SEC14L2: variants seen among roughly 807,000 people sequenced by gnomAD.
SEC14L2 encodes SEC14-like protein 2.
A neutral mutation model predicts 56.9 loss-of-function variants in SEC14L2; 50 were observed. That is an observed-to-expected ratio of 0.88 (90% CI 0.70 to 1.11). The LOEUF (loss-of-function observed/expected upper bound fraction) is 1.11. SEC14L2 is among the 50% of genes most tolerant of loss of function. The probability of loss-of-function intolerance (pLI) is 0.00; values close to 1 mark genes in which losing one functional copy is unlikely to be tolerated. For missense variants in SEC14L2, 414 were observed against 500.7 expected (o/e 0.83, Z 1.65); for synonymous variants, 179 against 188.5 (o/e 0.95, Z 0.41).
At chr22:30,407,737 T>A in intron 5 of SEC14L2, 134 bp downstream of exon 5, 1 of 810,716 alleles carries the variant, frequency 1.2e-6, no homozygotes, top group Non-Finnish European at 1.8e-6. Context: ...TTTTAATTTT[T>A]AAAACTTTTT....
rs1378134533 is a variant in SEC14L2 at position 30,425,270 on chromosome 22, A to G, written c.*2863A>G. The stretch of plus-strand genomic sequence containing the variant: ...TCCTTTAGCGAACATGTAGACTGGC[A>G]ATAAACTCAATAAATGGTGACTGTT... On this transcript the variant is annotated 3_prime_UTR_variant, in exon 12 of 12. Coordinates refer to ENST00000615189, the MANE Select transcript of SEC14L2 (RefSeq NM_012429.5). The G allele has an allele frequency of 1.2e-5, 2 of 168,116 alleles. No individual in the cohort carries two copies. The highest frequency in any genetic ancestry group is 2.6e-5 in the Non-Finnish European group (2 of 76,162). The allele number at this position is 168,116 out of a possible 1,614,324, so 10.4% of individuals were successfully genotyped here.
chr22:30,403,852 A>T (rs1256166637), intron 2 of SEC14L2, among the ~76,000 whole-genome samples: 1 of 151,442 alleles, frequency 6.6e-6, no homozygotes, highest in African/African-American at 2.4e-5. Context: ...AAATACAAAA[A>T]ATTAGCCGGG....
chr22:30,404,030 GAAAAAAA>G (rs5844905), intron 2 of SEC14L2, among the ~76,000 whole-genome samples: 1 of 87,618 alleles, frequency 1.1e-5, no homozygotes, highest in Admixed American at 1.6e-4. Flanking sequence ...AAAAAAAAAA[GAAAAAAA>G]AAAAAAGAAG....
At chr22:30,398,218 T>G (rs1247440477) in intron 1 of SEC14L2, among the ~76,000 whole-genome samples, 1 of 151,940 alleles carries the variant, frequency 6.6e-6, no homozygotes, top group Non-Finnish European at 1.5e-5. Flanking sequence ...GCAGGAGAGG[T>G]CAGGCAGAGA....
At position 30,423,656 on chromosome 22, in the gene SEC14L2, C is replaced by T. The variant is rs1031206485; in HGVS notation, c.*1249C>T. On this transcript the variant is annotated 3_prime_UTR_variant, in exon 12 of 12. Transcript: ENST00000615189. ...GGAACGCCTTTCCCTCAGAGCCAGG[C>T]CCCGGCCCCGTCTGGGAAGCTCATC... 6.6e-6 allele frequency: 1 copy of T among 152,418 alleles called. No individual in the cohort carries two copies. Among genetic ancestry groups the T allele is most frequent in the African/African-American group, 2.4e-5 (1 of 41,482 alleles). 9.4% of individuals were successfully genotyped at this position (152,418 alleles called of 1,614,324 possible).
chr22:30,405,496 G>C (rs1389412646), intron 2 of SEC14L2, among the ~76,000 whole-genome samples: 2 of 152,172 alleles, frequency 1.3e-5, no homozygotes, highest in African/African-American at 2.4e-5. Flanking sequence ...AGGTGACCCA[G>C]GTGAAACTGA....
rs757240850 is a variant in SEC14L2 at position 30,409,246 on chromosome 22, G to C, written c.483G>C (p.Lys161Asn). ...IIYDCEGLGL[K>N]HLWKPAVEAY... ...ATGACTGCGAGGGGCTTGGCCTCAAGCATCTCTGGAAGCCTGCTGTGGAGG... is the reference window on the plus strand; with the variant it reads ...ATGACTGCGAGGGGCTTGGCCTCAACCATCTCTGGAAGCCTGCTGTGGAGG... The change falls in exon 6 of 12, where the codon AAG (lysine) becomes AAC (asparagine). Residue 161 changes from lysine (K) to asparagine (N), a missense_variant. Coordinates refer to ENST00000615189, the MANE Select transcript of SEC14L2 (RefSeq NM_012429.5). 6.2e-7 allele frequency: 1 copy of C among 1,613,778 alleles called. No homozygotes were observed. Among genetic ancestry groups the C allele is most frequent in the African/African-American group, 1.3e-5 (1 of 74,864 alleles).
intron 8 of SEC14L2, 152 bp downstream of exon 8, chr22:30,410,831 T>C: frequency 1.5e-6 from 1 of 660,364 alleles, no homozygotes; most frequent in Non-Finnish European, 2.7e-6. Context: ...GTGGAGCTAG[T>C]GCCTTCTTCT....
intron 5 of SEC14L2, among the ~76,000 whole-genome samples, chr22:30,408,202 A>G (rs781010702): frequency 2.6e-5 from 4 of 152,178 alleles, no homozygotes; most frequent in Non-Finnish European, 4.4e-5. Context: ...ATGGGGACCC[A>G]GTGAAATCTT....
chr22:30,414,339 G>C (rs1601783445), intron 8 of SEC14L2, among the ~76,000 whole-genome samples: 2 of 152,170 alleles, frequency 1.3e-5, no homozygotes, highest in African/African-American at 4.8e-5. Context: ...AGGAGGTTCA[G>C]TCTGTTCCCC....
At position 30,422,521 on chromosome 22, in the gene SEC14L2, G is replaced by C; in HGVS notation, c.*114G>C. On this transcript the variant is annotated 3_prime_UTR_variant, in exon 12 of 12. Coordinates refer to ENST00000615189, the MANE Select transcript of SEC14L2 (RefSeq NM_012429.5). ...CCCAAAGAAACTGGGCTGGAGGACA[G>C]ACCTCAGGAGCTTTCATTTCAGTTA... 3 of 1,324,708 alleles carry C rather than the reference G, an allele frequency of 2.3e-6. No individual in the cohort carries two copies. Among genetic ancestry groups the C allele is most frequent in the Non-Finnish European group, 3.1e-6 (3 of 968,488 alleles). The allele number at this position is 1,324,708 out of a possible 1,614,324, so 82.1% of individuals were successfully genotyped here.
Position 30,422,316 on chromosome 22 carries a change from C to T in SEC14L2, c.1121C>T (p.Ala374Val), listed in dbSNP as rs200442040. 1 of 1,614,172 alleles carries T rather than the reference C, an allele frequency of 6.2e-7. No homozygotes were observed. The highest frequency in any genetic ancestry group is 2.2e-5 in the East Asian group (1 of 44,892). ...GACAACACCTACAGCTTCATTCATG[C>T]CAAGAAGGTCAATTTCACTGTGGAG... The part of the protein sequence containing the change: ...RFDNTYSFIH[A>V]KKVNFTVEVL... The change falls in exon 12 of 12, where the codon GCC becomes GTC. Residue 374 changes from alanine to valine, a missense_variant. By Grantham distance (64) the Ala-to-Val change is moderately conservative. Coordinates refer to ENST00000615189, the MANE Select transcript of SEC14L2 (RefSeq NM_012429.5).
At chr22:30,416,901 G>A in intron 11 of SEC14L2, 1 of 987,522 alleles carries the variant, frequency 1.0e-6, no homozygotes, top group African/African-American at 1.7e-5. Flanking sequence ...TATAAGAATG[G>A]GAAACAGACA....
intron 2 of SEC14L2, among the ~76,000 whole-genome samples, chr22:30,405,541 C>G (rs1268524522): frequency 6.6e-6 from 1 of 152,110 alleles, no homozygotes; most frequent in African/African-American, 2.4e-5. Context: ...GGGAGGCAGG[C>G]CCTTTGTGTG....
Position 30,424,406 on chromosome 22 carries a change from A to C in SEC14L2, c.*1999A>C, listed in dbSNP as rs933692756. On this transcript the variant is annotated 3_prime_UTR_variant, in exon 12 of 12. Transcript: ENST00000615189. Reference sequence around the variant, plus strand: ...TGACCGGACTGTCCTATACAGCCCTACAAGACAGAGGCGCCTAGGGCTGAA... The same window carrying C: ...TGACCGGACTGTCCTATACAGCCCTCCAAGACAGAGGCGCCTAGGGCTGAA... 1 of 329,564 alleles carries C rather than the reference A, an allele frequency of 3.0e-6. No individual in the cohort carries two copies. The highest frequency in any genetic ancestry group is 5.9e-6 in the Non-Finnish European group (1 of 168,142). The allele number at this position is 329,564 out of a possible 1,614,324, so 20.4% of individuals were successfully genotyped here. A position where few individuals can be genotyped will look rare whatever the true frequency, so the allele number is the denominator to read the frequency against.
chr22:30,420,221 G>A (rs1934481931), intron 11 of SEC14L2, among the ~76,000 whole-genome samples: 1 of 152,202 alleles, frequency 6.6e-6, no homozygotes, highest in South Asian at 2.1e-4. Flanking sequence ...CCAAAGTGCT[G>A]GGATTACAGG....
Position 30,422,305 on chromosome 22 carries a change from CTTCA to C in SEC14L2, c.1116_1119del (p.Ile372MetfsTer22). 1 of 1,614,214 alleles carries C rather than the reference CTTCA, an allele frequency of 6.2e-7. No individual in the cohort carries two copies. Among genetic ancestry groups the C allele is most frequent in the Non-Finnish European group, 8.5e-7 (1 of 1,180,032 alleles). ...TCCTGCGGTTTGACAACACCTACAG[CTTCA>C]TTCATGCCAAGAAGGTCAATTTCAC... is the stretch of plus-strand genomic sequence containing the variant. On this transcript the variant is annotated frameshift_variant, in exon 12 of 12. Coordinates refer to ENST00000615189, the MANE Select transcript of SEC14L2 (RefSeq NM_012429.5). LOFTEE classifies it high-confidence loss of function.
At chr22:30,422,132 G>C (rs750448370) in intron 11 of SEC14L2, 145 bp from the exon 12 acceptor site, 8 of 992,008 alleles carry the variant, frequency 8.1e-6, no homozygotes, top group African/African-American at 1.6e-5. Flanking sequence ...AGTTTCAGAA[G>C]GTCAAGGATC....
intron 11 of SEC14L2, 175 bp downstream of exon 11, chr22:30,416,578 G>A (rs1934397763): frequency 6.7e-7 from 1 of 1,492,342 alleles, no homozygotes; most frequent in Non-Finnish European, 8.9e-7. Context: ...ACTTGTTTAT[G>A]GTGACCCAAC....
Sources: allele counts gnomAD v4.1 joint callset (sites outside exome capture counted in the v4.1 genomes callset), GRCh38; gene constraint gnomAD v4.1.1; transcripts MANE v1.5; gene names NCBI Gene and HGNC (gene_info 2026-07-23, HGNC 2026-07-21).